Variants in PBX3 observed in about 807,000 individuals in gnomAD.
The protein encoded by PBX3 is PBX homeobox 3.
A neutral mutation model predicts 48.5 loss-of-function variants in PBX3; 14 were observed. That is an observed-to-expected ratio of 0.29 (90% CI 0.19 to 0.45). The LOEUF is 0.45. PBX3 is among the 20% of genes least tolerant of loss of function. PBX3 has a pLI of 1.00. For missense variants in PBX3, 386 were observed against 546.7 expected (o/e 0.71, Z 2.93); for synonymous variants, 210 against 200.3 (o/e 1.05, Z -0.41).
intron 2 of PBX3, among the ~76,000 whole-genome samples, chr9:125,867,640 C>CAA (rs34050364): frequency 0.041 from 3,768 of 91,996 alleles, 219 homozygotes; most frequent in African/African-American, 0.14. Flanking sequence ...GACTCCATCT[C>CAA]AAAAAAAAAA....
At chr9:125,904,002 A>AT (rs1422207379) in intron 2 of PBX3, among the ~76,000 whole-genome samples, 3 of 151,836 alleles carry the variant, frequency 2.0e-5, no homozygotes, top group Non-Finnish European at 4.4e-5. Context: ...TGATTAGTTA[A>AT]TACAGGTAAA....
chr9:125,876,699 A>C (rs759923964), intron 2 of PBX3, among the ~76,000 whole-genome samples: 1 of 151,994 alleles, frequency 6.6e-6, no homozygotes, highest in African/African-American at 2.4e-5. Flanking sequence ...CAGATTTTCA[A>C]CTGTGTAGGG....
intron 2 of PBX3, among the ~76,000 whole-genome samples, chr9:125,823,479 A>G (rs1295962061): frequency 6.6e-6 from 1 of 152,164 alleles, no homozygotes; most frequent in Non-Finnish European, 1.5e-5. Flanking sequence ...TTTTTAAAAG[A>G]CTGAATTTAA....
intron 2 of PBX3, among the ~76,000 whole-genome samples, chr9:125,750,948 A>G (rs73667043): frequency 0.036 from 5,482 of 152,304 alleles, 344 homozygotes; most frequent in African/African-American, 0.12. Context: ...TCAATTCGAA[A>G]TAAAACAGCT....
intron 2 of PBX3, among the ~76,000 whole-genome samples, chr9:125,879,464 C>G (rs1243130131): frequency 6.6e-6 from 1 of 152,094 alleles, no homozygotes; most frequent in African/African-American, 2.4e-5. Context: ...GGTCTTTTTT[C>G]ATTCCAAAAT....
At chr9:125,802,726 T>TG (rs1837996460) in intron 2 of PBX3, among the ~76,000 whole-genome samples, 1 of 151,744 alleles carries the variant, frequency 6.6e-6, no homozygotes, top group Non-Finnish European at 1.5e-5. Context: ...TTGCCCAGGC[T>TG]GGGGTGCAGT....
chr9:125,840,042 A>G (rs1429772366), intron 2 of PBX3, among the ~76,000 whole-genome samples: 2 of 152,116 alleles, frequency 1.3e-5, no homozygotes, highest in East Asian at 3.9e-4. Flanking sequence ...CTTTGTAAAT[A>G]TGGGTATCAG....
At chr9:125,871,282 A>C (rs1243014259) in intron 2 of PBX3, among the ~76,000 whole-genome samples, 3 of 151,644 alleles carry the variant, frequency 2.0e-5, no homozygotes, top group South Asian at 2.1e-4. Flanking sequence ...TTGTAGTCCC[A>C]GCTATAGGCT....
At chr9:125,827,354 T>TA (rs893468261) in intron 2 of PBX3, among the ~76,000 whole-genome samples, 1 of 152,168 alleles carries the variant, frequency 6.6e-6, no homozygotes, top group African/African-American at 2.4e-5. Context: ...CATTTATTTT[T>TA]AAAAAATATC....
At chr9:125,917,793 G>T (rs1841366682) in intron 3 of PBX3, among the ~76,000 whole-genome samples, 1 of 152,088 alleles carries the variant, frequency 6.6e-6, no homozygotes, top group African/African-American at 2.4e-5. Flanking sequence ...ATATTATAAG[G>T]TGTTTTCTAT....
intron 2 of PBX3, among the ~76,000 whole-genome samples, chr9:125,822,586 A>G (rs985683510): frequency 2.0e-5 from 3 of 152,132 alleles, no homozygotes; most frequent in African/African-American, 7.2e-5. Context: ...AATTTCCCTG[A>G]GCATACCGTT....
chr9:125,807,388 C>T (rs898920469), intron 2 of PBX3, among the ~76,000 whole-genome samples: 13 of 152,022 alleles, frequency 8.6e-5, no homozygotes, highest in African/African-American at 2.7e-4. Flanking sequence ...GTAGAATAGG[C>T]GGCTATAGAA....
At chr9:125,929,887 T>C (rs1449379229) in intron 4 of PBX3, 42 bp downstream of exon 4, 6 of 1,409,484 alleles carry the variant, frequency 4.3e-6, no homozygotes, top group Non-Finnish European at 6.0e-6. Context: ...TTCCCCCGTC[T>C]GTCACTCCTT....
intron 2 of PBX3, among the ~76,000 whole-genome samples, chr9:125,870,842 C>A (rs1056264471): frequency 2.0e-5 from 3 of 152,176 alleles, no homozygotes; most frequent in East Asian, 3.9e-4. Flanking sequence ...TGTTTATATA[C>A]CAAATTGTCA....
rs1484158641 is a variant in PBX3 at position 125,779,879 on chromosome 9, G to A, written c.274+31256G>A. Among the ~76,000 whole-genome samples, 231 of 131,342 alleles carry A rather than the reference G, an allele frequency of 1.8e-3. 1 individual carries two copies. The East Asian group carries it at 0.024, about 14-fold the overall frequency. 86.2% of individuals were successfully genotyped at this position (131,342 alleles called of 152,430 possible). A position where few individuals can be genotyped will look rare whatever the true frequency, so the allele number is the denominator to read the frequency against. ...CACCTCCCGGACGGGGCGGCTGGCC[G>A]GGCGGGGGGCTGACCCCCCCACCTC... is the stretch of plus-strand genomic sequence containing the variant. On this transcript the variant is annotated intron_variant, in intron 2 of 8. Transcript: ENST00000373489.
intron 2 of PBX3, among the ~76,000 whole-genome samples, chr9:125,761,571 G>C (rs1482268833): frequency 6.6e-6 from 1 of 151,920 alleles, no homozygotes; most frequent in East Asian, 1.9e-4. Flanking sequence ...CGTAACATTA[G>C]AGAAAAAGCT....
intron 2 of PBX3, among the ~76,000 whole-genome samples, chr9:125,879,853 T>C (rs746413391): frequency 6.6e-6 from 1 of 152,228 alleles, no homozygotes; most frequent in Non-Finnish European, 1.5e-5. Context: ...GTTTTTCTGG[T>C]ATAGCTAAAT....
chr9:125,821,692 G>A (rs888357744), intron 2 of PBX3, among the ~76,000 whole-genome samples: 2 of 152,062 alleles, frequency 1.3e-5, no homozygotes, highest in Non-Finnish European at 2.9e-5. Context: ...TGCTCTGGTG[G>A]TTCCCCTGTG....
At chr9:125,889,858 G>A (rs1381938048) in intron 2 of PBX3, among the ~76,000 whole-genome samples, 1 of 147,772 alleles carries the variant, frequency 6.8e-6, no homozygotes, top group Non-Finnish European at 1.5e-5. Context: ...AGAACAATGG[G>A]CGCGCCCGAC....
Sources: gnomAD v4.1 joint callset for allele counts (sites outside exome capture counted in the v4.1 genomes callset) on GRCh38, gnomAD v4.1.1 for gene constraint, MANE v1.5 for transcripts, NCBI Gene and HGNC (gene_info 2026-07-23, HGNC 2026-07-21) for gene names.